EPCAM: variants seen among roughly 807,000 people sequenced by gnomAD.
EPCAM encodes epithelial cell adhesion molecule.
In EPCAM, 39 loss-of-function variants were observed where a neutral mutation model predicts 40.0. The observed-to-expected ratio is 0.98, with a 90% CI of 0.76 to 1.27. EPCAM has a LOEUF of 1.27. EPCAM is among the 50% of genes most tolerant of loss of function. The pLI is 0.00. For synonymous variants in EPCAM, 168 were observed against 132.3 expected, an observed-to-expected ratio of 1.27 and a Z score of -1.85; for missense variants, 503 against 381.2, an observed-to-expected ratio of 1.32 and a Z score of -2.66.
At chr2:47,374,124 A>C in intron 3 of EPCAM, 76 bp downstream of exon 3, 6 of 1,516,992 alleles carry the variant, frequency 4.0e-6, no homozygotes, top group Non-Finnish European at 5.4e-6. Context: ...TGATTATGTA[A>C]TATGATTTCA....
intron 8 of EPCAM, among the ~76,000 whole-genome samples, chr2:47,385,915 C>A (rs144336519): frequency 7.4e-4 from 112 of 152,204 alleles, no homozygotes; most frequent in African/African-American, 2.6e-3. Context: ...GAAGACTAAC[C>A]CTGAATTGAA....
chr2:47,381,715 G>A (rs1359497747), intron 7 of EPCAM, among the ~76,000 whole-genome samples: 1 of 152,114 alleles, frequency 6.6e-6, no homozygotes, highest in Non-Finnish European at 1.5e-5. Flanking sequence ...CTTGTGGTAG[G>A]GGAAATTATG....
chr2:47,381,882 C>G (rs1320773636), intron 7 of EPCAM, among the ~76,000 whole-genome samples: 2 of 152,124 alleles, frequency 1.3e-5, no homozygotes, highest in African/African-American at 4.8e-5. Flanking sequence ...TCCTCCTGAC[C>G]TATCCTCCCA....
intron 5 of EPCAM, among the ~76,000 whole-genome samples, chr2:47,378,577 C>T (rs1308917061): frequency 1.3e-5 from 2 of 152,152 alleles, no homozygotes; most frequent in African/African-American, 4.8e-5. Context: ...GCTGGGATTA[C>T]AGGCATGAGC....
rs587780765 is a variant in EPCAM at position 47,373,942 on chromosome 2, G to A, written c.319G>A (p.Ala107Thr). The A allele has an allele frequency of 1.2e-5, 19 of 1,613,944 alleles. No homozygotes were observed. Among genetic ancestry groups the A allele is most frequent in the African/African-American group, 2.7e-5 (2 of 74,878 alleles). Reference protein sequence around the residue: ...PDCDESGLFKAKQCNGTSMCW... With the variant: ...PDCDESGLFKTKQCNGTSMCW... ...CTGCGATGAGAGCGGGCTCTTTAAG[G>A]CCAAGCAGTGCAACGGCACCTCCAT... The change falls in exon 3 of 9, where the codon GCC becomes ACC. Residue 107 changes from alanine to threonine, a missense_variant. By Grantham distance (58) the Ala-to-Thr change is moderately conservative. Transcript: ENST00000263735.
Position 47,386,767 on chromosome 2 carries a change from C to A in EPCAM, c.*154C>A, listed in dbSNP as rs1671752892. 1 of 570,112 alleles carries A rather than the reference C, an allele frequency of 1.8e-6. No homozygotes were observed. Among genetic ancestry groups the A allele is most frequent in the Non-Finnish European group, 3.1e-6 (1 of 323,282 alleles). 35.3% of individuals were successfully genotyped at this position (570,112 alleles called of 1,614,324 possible). A position where few individuals can be genotyped will look rare whatever the true frequency, so the allele number is the denominator to read the frequency against. ...GTGAAACCTGTACTCAAAATATAAG[C>A]AGCTTGAAACTGGCTTTACCAATCT... On this transcript the variant is annotated 3_prime_UTR_variant, in exon 9 of 9. Transcript: ENST00000263735.
chr2:47,384,288 G>T lies in EPCAM; in HGVS notation c.859-878G>T, dbSNP rs1361083895. ...CTGGCTAATTTTTGTATCTTTAGTA[G>T]AGATGAGGTTTCACAATATTGGCCA... On this transcript the variant is annotated intron_variant, in intron 7 of 8. Transcript: ENST00000263735. Among the ~76,000 whole-genome samples, 9 of 150,882 alleles carry T rather than the reference G, an allele frequency of 6.0e-5. No homozygotes were observed. The South Asian group carries it at 1.7e-3, about 28-fold the overall frequency.
At position 47,373,929 on chromosome 2, in the gene EPCAM, C is replaced by T. The variant is rs1305248670; in HGVS notation, c.306C>T (p.Ser102=). 5 of 1,613,922 alleles carry T rather than the reference C, an allele frequency of 3.1e-6. No individual in the cohort carries two copies. The highest frequency in any genetic ancestry group is 1.6e-4 in the Middle Eastern group (1 of 6,084). The change falls in exon 3 of 9, where the codon AGC becomes AGT. Residue 102 remains serine, a synonymous_variant. Coordinates refer to ENST00000263735, the MANE Select transcript of EPCAM (RefSeq NM_002354.3). ...TTTATGATCCTGACTGCGATGAGAG[C>T]GGGCTCTTTAAGGCCAAGCAGTGCA... ...DGLYDPDCDE[S]GLFKAKQCNG...
chr2:47,369,597 G>C lies in EPCAM; in HGVS notation c.76+16G>C, dbSNP rs1208338423. 1 of 1,584,450 alleles carries C rather than the reference G, an allele frequency of 6.3e-7. No individual in the cohort carries two copies. On this transcript the variant is annotated intron_variant, in intron 1 of 8. Transcript: ENST00000263735. Reference sequence around the variant, plus strand: ...GCTCAGGAAGGTGAGGCGCGGATTGGAGCAGAGTTGTGGAGCTGGGCTGGG... The same window carrying C: ...GCTCAGGAAGGTGAGGCGCGGATTGCAGCAGAGTTGTGGAGCTGGGCTGGG...
rs1324088403 is a variant in EPCAM, at chr2:47,373,888, C to A, written c.265C>A (p.Gln89Lys). 6.2e-7 allele frequency: 1 copy of A among 1,614,070 alleles called. No individual in the cohort carries two copies. Among genetic ancestry groups the A allele is most frequent in the East Asian group, 2.2e-5 (1 of 44,886 alleles). Residue 89 changes from glutamine (Q) to lysine (K), a missense_variant, in exon 3 of 9, where the codon CAG (glutamine) becomes AAG (lysine). Gln to Lys is a moderately conservative substitution (Grantham distance 53). Transcript: ENST00000263735. Reference protein sequence around the residue: ...GRRAKPEGALQNNDGLYDPDC... With the variant: ...GRRAKPEGALKNNDGLYDPDC... ...AAGAGCAAAACCTGAAGGGGCCCTC[C>A]AGAACAATGATGGGCTTTATGATCC...
intron 3 of EPCAM, 145 bp downstream of exon 3, chr2:47,374,193 C>T (rs1671362261): frequency 1.1e-6 from 1 of 893,228 alleles, no homozygotes; most frequent in Non-Finnish European, 1.8e-6. Context: ...CATTCCAGTC[C>T]CCCTCGCTAC....
At chr2:47,372,922 G>A (rs774003421) in intron 1 of EPCAM, among the ~76,000 whole-genome samples, 3 of 151,104 alleles carry the variant, frequency 2.0e-5, no homozygotes, top group South Asian at 2.1e-4. Context: ...ATTGTAACAG[G>A]AGGCCAGGCA....
At position 47,376,995 on chromosome 2, in the gene EPCAM, G is replaced by C. The variant is rs2103753184; in HGVS notation, c.492-19G>C. On this transcript the variant is annotated intron_variant, in intron 4 of 8. Coordinates refer to ENST00000263735, the MANE Select transcript of EPCAM (RefSeq NM_002354.3). ...GGTACAAACATTTTTTTTTAATACA[G>C]ATTTTAAATTCTTTACAGTGCACTT... 1 of 1,568,414 alleles carries C rather than the reference G, an allele frequency of 6.4e-7. No homozygotes were observed. The highest frequency in any genetic ancestry group is 2.2e-5 in the East Asian group (1 of 44,614).
At chr2:47,371,075 G>T (rs185481138) in intron 1 of EPCAM, among the ~76,000 whole-genome samples, 8 of 152,152 alleles carry the variant, frequency 5.3e-5, no homozygotes, top group African/African-American at 1.7e-4. Context: ...GAACTCCTGG[G>T]CTCAAGTGAT....
chr2:47,383,900 G>A (rs150650266), intron 7 of EPCAM, among the ~76,000 whole-genome samples: 1 of 151,738 alleles, frequency 6.6e-6, no homozygotes, highest in Non-Finnish European at 1.5e-5. Flanking sequence ...GCCTCCCAAA[G>A]TGCTGTGATT....
rs757803805 is a variant in EPCAM at position 47,386,749 on chromosome 2, C to G, written c.*136C>G. 3.0e-6 allele frequency: 2 copies of G among 675,004 alleles called. No homozygotes were observed. The highest frequency in any genetic ancestry group is 5.3e-5 in the East Asian group (2 of 37,908). The allele number at this position is 675,004 out of a possible 1,614,324, so 41.8% of individuals were successfully genotyped here. A position where few individuals can be genotyped will look rare whatever the true frequency, so the allele number is the denominator to read the frequency against. ...CATCATATATTTGTAATAGTGAAAC[C>G]TGTACTCAAAATATAAGCAGCTTGA... On this transcript the variant is annotated 3_prime_UTR_variant, in exon 9 of 9. Coordinates refer to ENST00000263735, the MANE Select transcript of EPCAM (RefSeq NM_002354.3).
rs2103746911 is a variant in EPCAM, at chr2:47,373,807, G to T, written c.185-1G>T. The T allele has an allele frequency of 6.2e-7, 1 of 1,613,974 alleles. No homozygotes were observed. Among genetic ancestry groups the T allele is most frequent in the Non-Finnish European group, 8.5e-7 (1 of 1,180,002 alleles). ...GTTTGGCATTAAGGTTTCTTTTTCAGTGGCTGCCAAATGTTTGGTGATGAA... is the reference window on the plus strand; with the variant it reads ...GTTTGGCATTAAGGTTTCTTTTTCATTGGCTGCCAAATGTTTGGTGATGAA... On this transcript the variant is annotated splice_acceptor_variant, in intron 2 of 8. Transcript: ENST00000263735. LOFTEE classifies it high-confidence loss of function.
intron 8 of EPCAM, among the ~76,000 whole-genome samples, 162 bp downstream of exon 8, chr2:47,385,372 A>T (rs1035956070): frequency 6.6e-6 from 1 of 152,164 alleles, no homozygotes; most frequent in African/African-American, 2.4e-5. Flanking sequence ...TTACCTAAAT[A>T]TTCTTGCGTG....
intron 7 of EPCAM, chr2:47,383,091 G>A (rs894783013): frequency 5.9e-5 from 9 of 151,900 alleles, no homozygotes; most frequent in African/African-American, 2.2e-4. Context: ...TGGGTCACGA[G>A]GTCAGGAGAT....
Sources: allele counts gnomAD v4.1 joint callset (sites outside exome capture counted in the v4.1 genomes callset), GRCh38; gene constraint gnomAD v4.1.1; transcripts MANE v1.5; gene names NCBI Gene and HGNC (gene_info 2026-07-23, HGNC 2026-07-21).